The following NALF1 variants were observed in gnomAD, a reference collection of about 807,000 sequenced individuals.
The protein encoded by NALF1 is NALCN channel auxiliary factor 1, also known as family with sequence similarity 155 member A.
In NALF1, 3 loss-of-function variants were observed where a neutral mutation model predicts 48.4. That is an observed-to-expected ratio of 0.06 (90% confidence interval 0.03 to 0.16). The LOEUF is 0.16. NALF1 is among the 10% of genes least tolerant of loss of function. NALF1 has a pLI of 1.00. For synonymous variants in NALF1, 262 were observed against 245.7 expected, an observed-to-expected ratio of 1.07 and a Z score of -0.62; for missense variants, 526 against 571.5, an observed-to-expected ratio of 0.92 and a Z score of 0.81.
intron 1 of NALF1, among the ~76,000 whole-genome samples, chr13:107,562,994 G>GT (rs1367056425): frequency 1.3e-5 from 2 of 152,190 alleles, no homozygotes; most frequent in African/African-American, 4.8e-5. Flanking sequence ...GAATTCAGAG[G>GT]TTGGAAGGCT....
chr13:107,359,496 A>C (rs1005600767), intron 1 of NALF1, among the ~76,000 whole-genome samples: 1 of 152,166 alleles, frequency 6.6e-6, no homozygotes, highest in African/African-American at 2.4e-5. Context: ...AAAAGTGGAC[A>C]GTTTAATAGA....
At chr13:107,630,210 A>G (rs1411069345) in intron 1 of NALF1, among the ~76,000 whole-genome samples, 1 of 152,088 alleles carries the variant, frequency 6.6e-6, no homozygotes, top group African/African-American at 2.4e-5. Flanking sequence ...ACATTCTCTT[A>G]CCGTGACACA....
intron 1 of NALF1, among the ~76,000 whole-genome samples, chr13:107,216,404 T>C (rs149887279): frequency 1.5e-3 from 235 of 152,300 alleles, no homozygotes; most frequent in African/African-American, 4.9e-3. Context: ...AATCGTGATA[T>C]ATTCTGAAAG....
At chr13:107,567,018 CA>C (rs1414810020) in intron 1 of NALF1, among the ~76,000 whole-genome samples, 1 of 151,960 alleles carries the variant, frequency 6.6e-6, no homozygotes, top group African/African-American at 2.4e-5. Flanking sequence ...GAAAAAATTA[CA>C]AAGGCATAAA....
At chr13:107,547,037 T>C (rs1176044005) in intron 1 of NALF1, among the ~76,000 whole-genome samples, 2 of 152,244 alleles carry the variant, frequency 1.3e-5, no homozygotes, top group Non-Finnish European at 2.9e-5. Context: ...GTATCATAGT[T>C]TTGTTATGAA....
At chr13:107,799,795 T>C (rs903461632) in intron 1 of NALF1, among the ~76,000 whole-genome samples, 2 of 152,160 alleles carry the variant, frequency 1.3e-5, no homozygotes, top group African/African-American at 2.4e-5. Context: ...TCCAGATATT[T>C]TTCAGGTTCC....
chr13:107,580,827 G>A (rs1474097411), intron 1 of NALF1, among the ~76,000 whole-genome samples: 4 of 152,136 alleles, frequency 2.6e-5, no homozygotes, highest in African/African-American at 9.7e-5. Flanking sequence ...AGACAGCCAG[G>A]TTTTGACCAG....
At chr13:107,862,085 G>A (rs972642585) in intron 1 of NALF1, among the ~76,000 whole-genome samples, 2 of 152,082 alleles carry the variant, frequency 1.3e-5, no homozygotes, top group Non-Finnish European at 2.9e-5. Context: ...TATACTGAGA[G>A]AACTAAAGTA....
At chr13:107,364,571 C>T (rs961308385) in intron 1 of NALF1, among the ~76,000 whole-genome samples, 4 of 152,208 alleles carry the variant, frequency 2.6e-5, no homozygotes, top group African/African-American at 9.6e-5. Context: ...AGCCAGGCTG[C>T]TGTGTTCTCA....
chr13:107,234,130 C>T (rs1880287683), intron 1 of NALF1, among the ~76,000 whole-genome samples: 1 of 152,144 alleles, frequency 6.6e-6, no homozygotes, highest in Admixed American at 6.5e-5. Flanking sequence ...TTCTAAACTC[C>T]AGCACAATTA....
rs1880748661 is a variant in NALF1 at position 107,866,770 on chromosome 13, C to G, written c.-174G>C. The G allele has an allele frequency of 5.0e-6, 3 of 600,406 alleles. No individual in the cohort carries two copies. Among genetic ancestry groups the G allele is most frequent in the Non-Finnish European group, 8.8e-6 (3 of 340,548 alleles). The allele number at this position is 600,406 out of a possible 1,614,324, so 37.2% of individuals were successfully genotyped here. On this transcript the variant is annotated 5_prime_UTR_variant, in exon 1 of 3. Coordinates refer to ENST00000375915, the MANE Select transcript of NALF1 (RefSeq NM_001080396.3). This position sits in a 1 kb window ranked among gnomAD's most constrained non-coding sequence, Gnocchi z 4.4. ...CTCCCTCTCTCCTCTCTCTCTCTCT[C>G]CCTCTCCCTCTCTTTTATCTCTCTC...
chr13:107,445,465 A>G (rs769244920), intron 1 of NALF1, among the ~76,000 whole-genome samples: 5 of 152,152 alleles, frequency 3.3e-5, no homozygotes, highest in Non-Finnish European at 7.3e-5. Context: ...CCATTCACTC[A>G]TTGAAGGACA....
chr13:107,317,009 A>T (rs1222279036), intron 1 of NALF1, among the ~76,000 whole-genome samples: 2 of 152,152 alleles, frequency 1.3e-5, no homozygotes, highest in Non-Finnish European at 2.9e-5. Context: ...TAAATGAAAG[A>T]TCTTTTCTAG....
chr13:107,833,004 A>G (rs548709629), intron 1 of NALF1, among the ~76,000 whole-genome samples: 25 of 152,256 alleles, frequency 1.6e-4, no homozygotes, highest in Admixed American at 9.8e-4. Flanking sequence ...GGAGCTAGTC[A>G]GCACTTTTTC....
At chr13:107,723,334 A>C (rs1876044536) in intron 1 of NALF1, among the ~76,000 whole-genome samples, 1 of 152,156 alleles carries the variant, frequency 6.6e-6, no homozygotes, top group South Asian at 2.1e-4. Context: ...TTATACACTT[A>C]AGACCTGGCA....
chr13:107,501,350 A>G (rs1875516618), intron 1 of NALF1, among the ~76,000 whole-genome samples: 1 of 152,142 alleles, frequency 6.6e-6, no homozygotes, highest in Non-Finnish European at 1.5e-5. Context: ...CATTCAGAAT[A>G]TAGCAATGCC....
intron 1 of NALF1, among the ~76,000 whole-genome samples, chr13:107,270,208 T>A (rs1012185082): frequency 6.6e-6 from 1 of 152,270 alleles, no homozygotes; most frequent in Middle Eastern, 3.4e-3. Context: ...TATTGAAAAT[T>A]TATTTTCTAT....
intron 1 of NALF1, among the ~76,000 whole-genome samples, chr13:107,432,004 G>A (rs1475025463): frequency 6.6e-6 from 1 of 152,122 alleles, no homozygotes; most frequent in Non-Finnish European, 1.5e-5. Flanking sequence ...TTGTTATAAA[G>A]GAGTACCTGA....
At chr13:107,285,852 C>A (rs1881482708) in intron 1 of NALF1, among the ~76,000 whole-genome samples, 1 of 151,716 alleles carries the variant, frequency 6.6e-6, no homozygotes, top group Non-Finnish European at 1.5e-5. Context: ...GTGAAAGTGT[C>A]CAACCTGAAT....
Sources: gnomAD v4.1 joint callset for allele counts (sites outside exome capture counted in the v4.1 genomes callset) on GRCh38, gnomAD v4.1.1 for gene constraint, Gnocchi (gnomAD v3.1) non-coding constraint, MANE v1.5 for transcripts, NCBI Gene and HGNC (gene_info 2026-07-23, HGNC 2026-07-21) for gene names.